Variants in NLGN1 observed in about 807,000 individuals in gnomAD.
The protein encoded by NLGN1 is neuroligin 1.
In NLGN1, 12 loss-of-function variants were observed where a neutral mutation model predicts 65.5. The ratio of observed to expected loss-of-function variants is 0.18; its 90% CI spans 0.12 to 0.30. NLGN1 has a LOEUF of 0.30. NLGN1 is among the 10% of genes least tolerant of loss of function. The pLI, the probability that NLGN1 is intolerant of heterozygous loss-of-function variation, is 1.00. For missense variants in NLGN1, 750 were observed against 1,007.1 expected, an observed-to-expected ratio of 0.74 and a Z score of 3.46; for synonymous variants, 350 against 359.5, an observed-to-expected ratio of 0.97 and a Z score of 0.30.
chr3:173,588,801 C>T (rs980036784), intron 2 of NLGN1, among the ~76,000 whole-genome samples: 28 of 152,134 alleles, frequency 1.8e-4, no homozygotes, highest in African/African-American at 6.8e-4. Context: ...GTCTGTCATC[C>T]TGACACTCAT....
intron 4 of NLGN1, among the ~76,000 whole-genome samples, chr3:174,254,372 T>C (rs986180795): frequency 6.6e-6 from 1 of 150,790 alleles, no homozygotes; most frequent in African/African-American, 2.4e-5. Flanking sequence ...TGAATTATCT[T>C]TCAAGTTTTA....
At chr3:174,222,064 G>T (rs1483752935) in intron 4 of NLGN1, among the ~76,000 whole-genome samples, 1 of 151,976 alleles carries the variant, frequency 6.6e-6, no homozygotes, top group Non-Finnish European at 1.5e-5. Flanking sequence ...AATTTTGGGG[G>T]GAATCTATTC....
Position 173,862,273 on chromosome 3 carries a change from G to A in NLGN1, c.646+54441G>A, listed in dbSNP as rs527701126. Among the ~76,000 whole-genome samples, 4 of 151,378 alleles carry A rather than the reference G, an allele frequency of 2.6e-5. No individual in the cohort carries two copies. The East Asian group carries it at 5.9e-4, about 22-fold the overall frequency. ...TGTAATCCCAGCACTTTGGGAGGCC[G>A]AGGCGGGCGGATCACGAGGTCGGGA... On this transcript the variant is annotated intron_variant, in intron 4 of 6. Transcript: ENST00000457714.
chr3:173,541,370 A>T (rs912034935), intron 2 of NLGN1, among the ~76,000 whole-genome samples: 1 of 152,296 alleles, frequency 6.6e-6, no homozygotes, highest in East Asian at 1.9e-4. Context: ...GAACTAATCC[A>T]TGTAAACATA....
intron 4 of NLGN1, among the ~76,000 whole-genome samples, chr3:174,086,736 A>C (rs1437441575): frequency 6.6e-6 from 1 of 152,106 alleles, no homozygotes; most frequent in Non-Finnish European, 1.5e-5. Flanking sequence ...TACTATATTT[A>C]AAATAAATAT....
chr3:173,852,311 G>A (rs1187501361), intron 4 of NLGN1, among the ~76,000 whole-genome samples: 5 of 119,580 alleles, frequency 4.2e-5, no homozygotes, highest in East Asian at 2.6e-4. Context: ...AGCCGAGATC[G>A]CGCCACTGCA....
intron 3 of NLGN1, among the ~76,000 whole-genome samples, chr3:173,760,461 G>A (rs1378533772): frequency 1.3e-5 from 2 of 151,852 alleles, no homozygotes; most frequent in Admixed American, 6.6e-5. Context: ...TGTTCAAGAC[G>A]TGAGAAGTTT....
intron 2 of NLGN1, among the ~76,000 whole-genome samples, chr3:173,455,750 ATG>A (rs1722412213): frequency 6.6e-6 from 1 of 152,040 alleles, no homozygotes; most frequent in Non-Finnish European, 1.5e-5. Context: ...ATATGTATAT[ATG>A]TGTGTGTGTA....
At chr3:173,673,140 A>T (rs1762673427) in intron 3 of NLGN1, among the ~76,000 whole-genome samples, 1 of 152,188 alleles carries the variant, frequency 6.6e-6, no homozygotes, top group South Asian at 2.1e-4. Flanking sequence ...TTTTTCCCTC[A>T]TGAAAAATCT....
At chr3:174,225,422 C>T (rs1359327069) in intron 4 of NLGN1, among the ~76,000 whole-genome samples, 1 of 152,066 alleles carries the variant, frequency 6.6e-6, no homozygotes, top group African/African-American at 2.4e-5. Context: ...TATACTATGG[C>T]TTTATTCCTG....
chr3:174,191,676 C>T (rs1056989875), intron 4 of NLGN1, among the ~76,000 whole-genome samples: 2 of 152,152 alleles, frequency 1.3e-5, no homozygotes, highest in Non-Finnish European at 2.9e-5. Flanking sequence ...ATCTGCTTTG[C>T]AAAATTACAG....
intron 4 of NLGN1, among the ~76,000 whole-genome samples, chr3:174,091,424 G>A (rs938447606): frequency 2.0e-5 from 3 of 152,100 alleles, no homozygotes; most frequent in Non-Finnish European, 4.4e-5. Context: ...ATTAATAATA[G>A]GCTTGCCTTC....
chr3:173,641,876 A>C (rs1483356261), intron 3 of NLGN1, among the ~76,000 whole-genome samples: 1 of 152,020 alleles, frequency 6.6e-6, no homozygotes, highest in Non-Finnish European at 1.5e-5. Flanking sequence ...ATGTATTTCT[A>C]TTTTCACACT....
At chr3:173,786,048 T>G (rs1781903995) in intron 3 of NLGN1, among the ~76,000 whole-genome samples, 1 of 152,168 alleles carries the variant, frequency 6.6e-6, no homozygotes, top group African/African-American at 2.4e-5. Flanking sequence ...CAACATTAAA[T>G]TGCTGAATTC....
intron 2 of NLGN1, among the ~76,000 whole-genome samples, chr3:173,510,157 T>C (rs1732700596): frequency 6.6e-6 from 1 of 152,166 alleles, no homozygotes; most frequent in African/African-American, 2.4e-5. Context: ...ATAACACAAT[T>C]TTTCTTTCTG....
At chr3:173,780,673 G>A (rs1780986481) in intron 3 of NLGN1, among the ~76,000 whole-genome samples, 1 of 152,166 alleles carries the variant, frequency 6.6e-6, no homozygotes, top group Non-Finnish European at 1.5e-5. Flanking sequence ...CTAAAAGTCA[G>A]TAGAGATGTG....
intron 2 of NLGN1, among the ~76,000 whole-genome samples, chr3:173,478,337 G>A (rs1172170959): frequency 6.6e-6 from 1 of 152,052 alleles, no homozygotes; most frequent in Non-Finnish European, 1.5e-5. Flanking sequence ...TCCCTTATAA[G>A]TAGGGGCTGA....
intron 4 of NLGN1, among the ~76,000 whole-genome samples, chr3:174,071,736 AT>A (rs141456101): frequency 6.7e-6 from 1 of 149,516 alleles, no homozygotes; most frequent in East Asian, 2.0e-4. Flanking sequence ...AAAAAAAAAA[AT>A]CAAGTGTGCA....
chr3:173,821,896 A>T (rs1720378535), intron 4 of NLGN1, among the ~76,000 whole-genome samples: 1 of 152,188 alleles, frequency 6.6e-6, no homozygotes, highest in Non-Finnish European at 1.5e-5. Flanking sequence ...GTGAGAGCAT[A>T]TACAATAACA....
Sources: allele counts gnomAD v4.1 joint callset (sites outside exome capture counted in the v4.1 genomes callset), GRCh38; gene constraint gnomAD v4.1.1; transcripts MANE v1.5; gene names NCBI Gene and HGNC (gene_info 2026-07-23, HGNC 2026-07-21).